The following NCALD variants were observed in gnomAD, a reference collection of about 807,000 sequenced individuals.
NCALD encodes neurocalcin delta, also known as neurocalcin-delta.
Under a neutral mutation model 18.6 loss-of-function variants are expected in NCALD, and 10 were observed. The ratio of observed to expected loss-of-function variants is 0.54; its 90% CI spans 0.33 to 0.91. NCALD has a LOEUF of 0.91. NCALD is among the 40% of genes least tolerant of loss of function. The pLI, the probability that NCALD is intolerant of heterozygous loss-of-function variation, is 0.03. For synonymous variants in NCALD, 88 were observed against 87.4 expected (o/e 1.01, Z -0.04); for missense variants, 184 against 247.6 (o/e 0.74, Z 1.72).
upstream of NCALD, among the ~76,000 whole-genome samples, chr8:101,793,456 TTAAG>T (rs1469282421): frequency 6.6e-6 from 1 of 152,082 alleles, no homozygotes; most frequent in Non-Finnish European, 1.5e-5. Flanking sequence ...AAGAGAGAGA[TTAAG>T]TAATTTGCCT....
At chr8:101,796,532 A>G (rs1229376708) in intron 4 of NCALD, among the ~76,000 whole-genome samples, 1 of 152,240 alleles carries the variant, frequency 6.6e-6, no homozygotes, top group Non-Finnish European at 1.5e-5. Context: ...AAAAAATACA[A>G]TGGAAGGTAA....
chr8:101,726,063 TGAGAGGGG>T (rs1352640153), intron 1 of NCALD, among the ~76,000 whole-genome samples: 2 of 151,910 alleles, frequency 1.3e-5, no homozygotes, highest in African/African-American at 4.8e-5. Context: ...GAACAGTGAA[TGAGAGGGG>T]TCTAAGCTGG....
chr8:102,008,967 C>CACA (rs1821811252), intron 2 of NCALD, among the ~76,000 whole-genome samples: 2 of 129,102 alleles, frequency 1.5e-5, no homozygotes, highest in African/African-American at 2.8e-5. Flanking sequence ...CACACACACA[C>CACA]AAGCCCTAAA....
At chr8:101,835,355 G>C (rs950560995) in intron 4 of NCALD, among the ~76,000 whole-genome samples, 1 of 152,210 alleles carries the variant, frequency 6.6e-6, no homozygotes, top group Non-Finnish European at 1.5e-5. Flanking sequence ...TCCACCTTCT[G>C]CCAAACCAGG....
At chr8:102,095,790 T>C (rs1006698674) in intron 1 of NCALD, among the ~76,000 whole-genome samples, 9 of 152,250 alleles carry the variant, frequency 5.9e-5, no homozygotes, top group African/African-American at 2.2e-4. Flanking sequence ...CATTTCAAAA[T>C]AGTTTCTAAA....
chr8:102,082,226 CTTTTTT>C (rs757875219), intron 1 of NCALD, among the ~76,000 whole-genome samples: 4 of 71,832 alleles, frequency 5.6e-5, no homozygotes, highest in Non-Finnish European at 7.1e-5. Context: ...GAAGCTCTCT[CTTTTTT>C]TTTTTTTTTT....
intron 2 of NCALD, among the ~76,000 whole-genome samples, chr8:101,918,418 A>G (rs1450783300): frequency 6.6e-6 from 1 of 152,070 alleles, no homozygotes; most frequent in African/African-American, 2.4e-5. Context: ...TGAGAACTGG[A>G]AAAAGACAAG....
intron 1 of NCALD, among the ~76,000 whole-genome samples, chr8:102,046,057 G>C (rs1304362997): frequency 6.6e-6 from 1 of 152,178 alleles, no homozygotes; most frequent in African/African-American, 2.4e-5. Flanking sequence ...ATAAGCAACA[G>C]TTATTAATTT....
chr8:101,899,300 T>C (rs2131556460), intron 3 of NCALD, among the ~76,000 whole-genome samples: 1 of 152,052 alleles, frequency 6.6e-6, no homozygotes, highest in East Asian at 1.9e-4. Flanking sequence ...ATAGATTCCA[T>C]TGAATTTTTC....
intron 1 of NCALD, among the ~76,000 whole-genome samples, chr8:102,058,389 T>G (rs1269697): frequency 0.7 from 106,476 of 152,094 alleles, 37,566 homozygotes; most frequent in East Asian, 0.89. Context: ...AATAAAATAA[T>G]AAAAACTAGG....
At chr8:101,991,510 G>A (rs1016272866) in intron 2 of NCALD, among the ~76,000 whole-genome samples, 7 of 152,240 alleles carry the variant, frequency 4.6e-5, no homozygotes, top group African/African-American at 1.7e-4. Flanking sequence ...GATTCAGAAG[G>A]TTACAAAAAG....
intron 1 of NCALD, among the ~76,000 whole-genome samples, chr8:102,094,274 G>A (rs1416701122): frequency 6.6e-6 from 1 of 152,208 alleles, no homozygotes; most frequent in Non-Finnish European, 1.5e-5. Flanking sequence ...TAAAAGGGAA[G>A]TAGGAAATAG....
intron 1 of NCALD, among the ~76,000 whole-genome samples, chr8:102,038,437 C>T (rs746178916): frequency 6.6e-6 from 1 of 152,120 alleles, no homozygotes; most frequent in Non-Finnish European, 1.5e-5. Flanking sequence ...ACACAGCGAA[C>T]CTGTAAGCCA....
chr8:101,959,074 T>A (rs1172768152), intron 2 of NCALD, among the ~76,000 whole-genome samples: 2 of 152,122 alleles, frequency 1.3e-5, no homozygotes, highest in East Asian at 3.8e-4. Flanking sequence ...CATCCACTAG[T>A]CCTAACAATG....
intron 2 of NCALD, among the ~76,000 whole-genome samples, chr8:101,941,075 C>T (rs751006742): frequency 7.9e-5 from 12 of 152,192 alleles, no homozygotes; most frequent in Non-Finnish European, 1.6e-4. Context: ...GACATTTCAT[C>T]AGATAAATTT....
At chr8:101,769,349 GTAT>G (rs1218246697) in intron 1 of NCALD, among the ~76,000 whole-genome samples, 1 of 152,104 alleles carries the variant, frequency 6.6e-6, no homozygotes, top group Non-Finnish European at 1.5e-5. Context: ...ATGTCTCCTA[GTAT>G]TTCAAACAGC....
In NCALD at chr8:101,854,633, C is replaced by G. The variant is rs532357689; in HGVS notation, c.-20+32508G>C. On this transcript the variant is annotated intron_variant, in intron 4 of 6. Transcript: ENST00000311028. ...ATCAATAGTTTATTTAAGTTCCAAA[C>G]TGTATTTTGCTGCTGAATAAACATA... 2.6e-4 allele frequency among the ~76,000 whole-genome samples: 39 copies of G among 152,234 alleles called. 1 individual carries two copies. Among genetic ancestry groups the G allele is most frequent in the Admixed American group, 7.2e-4 (11 of 15,282 alleles).
intron 1 of NCALD, among the ~76,000 whole-genome samples, chr8:102,086,182 C>A (rs545426153): frequency 1.3e-5 from 2 of 152,308 alleles, no homozygotes; most frequent in South Asian, 4.1e-4. Context: ...TTGAGCATTG[C>A]TCATCTGAGT....
chr8:102,001,174 T>A (rs1230655992), intron 2 of NCALD, among the ~76,000 whole-genome samples: 2 of 152,056 alleles, frequency 1.3e-5, no homozygotes, highest in African/African-American at 4.8e-5. Flanking sequence ...TGCAGAGAAG[T>A]CCTTAAAGGA....
Sources: gnomAD v4.1 joint callset for allele counts (sites outside exome capture counted in the v4.1 genomes callset) on GRCh38, gnomAD v4.1.1 for gene constraint, MANE v1.5 for transcripts, NCBI Gene and HGNC (gene_info 2026-07-23, HGNC 2026-07-21) for gene names.